ZNF487: variants seen among roughly 807,000 people sequenced by gnomAD.
ZNF487 encodes the protein zinc finger protein 487, also known as KRAB domain only 1.
ZNF487 carries 4 observed loss-of-function variants against 3.0 expected under a neutral mutation model. That is an observed-to-expected ratio of 1.35 (90% CI 0.66 to 3.08). The LOEUF (loss-of-function observed/expected upper bound fraction) is 3.08, where lower values mean the gene tolerates loss of function less well. ZNF487 is among the 30% of genes most tolerant of loss of function. ZNF487 has a pLI of 0.01. For missense variants in ZNF487, 146 were observed against 98.7 expected (o/e 1.48, Z -2.03); for synonymous variants, 55 against 34.6 (o/e 1.59, Z -2.06).
chr10:43,486,828 A>C (rs1312999950), downstream of ZNF487, among the ~76,000 whole-genome samples: 1 of 152,216 alleles, frequency 6.6e-6, no homozygotes, highest in African/African-American at 2.4e-5. Context: ...GATTAAAAAT[A>C]AGGAAAGATA....
rs889368759 is a variant in ZNF487, at chr10:43,462,246, A to G, written c.-93-13475A>G. Among the ~76,000 whole-genome samples, 35 of 151,152 alleles carry G rather than the reference A, an allele frequency of 2.3e-4. 1 individual carries two copies. The highest frequency in any genetic ancestry group is 5.3e-4 in the Admixed American group (8 of 15,176). ...GATTACTGCAACCTCTGCCTCCCGA[A>G]GTGCTGGGATTGTAGGGTTGAACTA... is the stretch of plus-strand genomic sequence containing the variant. On this transcript the variant is annotated intron_variant, in intron 1 of 3. Transcript: ENST00000437590.
At chr10:43,520,150 C>T in the ZNF487 span, among the ~76,000 whole-genome samples, 2 of 152,000 alleles carry the variant, frequency 1.3e-5, no homozygotes, top group South Asian at 2.1e-4. Flanking sequence ...TATCTAATAC[C>T]TGATTATCTG....
At chr10:43,471,031 C>T (rs918535278) in intron 1 of ZNF487, among the ~76,000 whole-genome samples, 5 of 152,034 alleles carry the variant, frequency 3.3e-5, no homozygotes, top group Non-Finnish European at 7.4e-5. Context: ...ACCATGTTGC[C>T]GACCTTAACT....
chr10:43,509,158 C>T, the ZNF487 span, among the ~76,000 whole-genome samples: 1 of 149,934 alleles, frequency 6.7e-6, no homozygotes. Flanking sequence ...TGCACTACTG[C>T]ACTCCAGCGT....
chr10:43,464,182 CTT>C (rs113898079), intron 1 of ZNF487, among the ~76,000 whole-genome samples: 17 of 139,992 alleles, frequency 1.2e-4, no homozygotes, highest in Admixed American at 2.2e-4. Flanking sequence ...CTTTTTTTTT[CTT>C]TTTTTTTTTT....
chr10:43,469,039 G>T lies in ZNF487; in HGVS notation c.-93-6682G>T, dbSNP rs537892969. 4.1e-5 allele frequency among the ~76,000 whole-genome samples: 6 copies of T among 147,508 alleles called. No homozygotes were observed. In the East Asian group the frequency reaches 7.9e-4, roughly 19 times the overall value. Reference sequence around the variant, plus strand: ...AGAAAAAGAAAGGAAGAGTCAATCAGTGTGGCAGACTTAATTGTCCTTTTA... The same window carrying T: ...AGAAAAAGAAAGGAAGAGTCAATCATTGTGGCAGACTTAATTGTCCTTTTA... On this transcript the variant is annotated intron_variant, in intron 1 of 3. Transcript: ENST00000437590.
intron 1 of ZNF487, among the ~76,000 whole-genome samples, chr10:43,455,257 C>T (rs113310824): frequency 0.046 from 7,006 of 152,172 alleles, 508 homozygotes; most frequent in African/African-American, 0.16. Context: ...CTGATCCGCC[C>T]GCCTCGGCCT....
In ZNF487 at chr10:43,482,992, A is replaced by G. The variant is rs1841422323; in HGVS notation, c.*1070A>G. ...CATCAGAGAACACACACAAGGGAGCAACCCTATGAATATAATGAAAGCTTT... is the reference window on the plus strand; with the variant it reads ...CATCAGAGAACACACACAAGGGAGCGACCCTATGAATATAATGAAAGCTTT... On this transcript the variant is annotated 3_prime_UTR_variant, in exon 4 of 4. Coordinates refer to ENST00000437590, the MANE Select transcript of ZNF487 (RefSeq NM_001355444.3). 2 of 505,414 alleles carry G rather than the reference A, an allele frequency of 4.0e-6. No individual in the cohort carries two copies. Among genetic ancestry groups the G allele is most frequent in the Non-Finnish European group, 8.0e-6 (2 of 249,038 alleles). 31.3% of individuals were successfully genotyped at this position (505,414 alleles called of 1,614,324 possible).
chr10:43,485,010 C>T (rs1257282604), downstream of ZNF487, among the ~76,000 whole-genome samples: 2 of 152,212 alleles, frequency 1.3e-5, no homozygotes, highest in Admixed American at 1.3e-4. Context: ...GATGTCTCCA[C>T]ATTGTTCAAA....
At chr10:43,437,323 G>C (rs554115306) in intron 1 of ZNF487, 61 bp downstream of exon 1, 33 of 176,178 alleles carry the variant, frequency 1.9e-4, no homozygotes, top group African/African-American at 7.7e-4. Context: ...ACCCAGGATC[G>C]AGCGGGGACT....
At chr10:43,456,582 A>C (rs1032976816) in intron 1 of ZNF487, among the ~76,000 whole-genome samples, 2 of 151,890 alleles carry the variant, frequency 1.3e-5, no homozygotes, top group African/African-American at 4.8e-5. Context: ...TAAGAAAATT[A>C]TTTTTCTTTT....
At chr10:43,508,679 A>G in the ZNF487 span, among the ~76,000 whole-genome samples, 1 of 151,870 alleles carries the variant, frequency 6.6e-6, no homozygotes, top group Admixed American at 6.6e-5. Flanking sequence ...CAAAAACAAA[A>G]ACAAACAAAC....
chr10:43,515,393 G>A, the ZNF487 span, among the ~76,000 whole-genome samples: 1 of 152,146 alleles, frequency 6.6e-6, no homozygotes, highest in Non-Finnish European at 1.5e-5. Flanking sequence ...CTCAGACAAA[G>A]GTGGAAAGGC....
At chr10:43,460,659 G>A (rs900207950) in intron 1 of ZNF487, among the ~76,000 whole-genome samples, 1 of 151,092 alleles carries the variant, frequency 6.6e-6, no homozygotes, top group African/African-American at 2.4e-5. Flanking sequence ...ACAGGTATGA[G>A]CCACCATGCC....
downstream of ZNF487, among the ~76,000 whole-genome samples, chr10:43,488,048 G>A (rs993918867): frequency 6.6e-6 from 1 of 151,084 alleles, no homozygotes; most frequent in African/African-American, 2.4e-5. Flanking sequence ...TTTGGAGTGA[G>A]CCAAGATGGC....
At chr10:43,456,385 T>TGCACGGA (rs975584715) in intron 1 of ZNF487, among the ~76,000 whole-genome samples, 5 of 152,104 alleles carry the variant, frequency 3.3e-5, no homozygotes, top group African/African-American at 9.7e-5. Flanking sequence ...GGCCCATATT[T>TGCACGGA]GCACGGAGAG....
intron 1 of ZNF487, among the ~76,000 whole-genome samples, chr10:43,467,370 A>G (rs1840745359): frequency 6.7e-6 from 1 of 150,022 alleles, no homozygotes; most frequent in Non-Finnish European, 1.5e-5. Flanking sequence ...ACGCCTGGCT[A>G]ATTTTTGTAT....
intron 1 of ZNF487, among the ~76,000 whole-genome samples, chr10:43,474,938 C>T (rs1277140865): frequency 6.6e-6 from 1 of 151,864 alleles, no homozygotes; most frequent in Non-Finnish European, 1.5e-5. Context: ...AAAAGACTGC[C>T]ACCTCACAGA....
At chr10:43,493,265 C>T in the ZNF487 span, among the ~76,000 whole-genome samples, 4 of 152,054 alleles carry the variant, frequency 2.6e-5, no homozygotes, top group Non-Finnish European at 5.9e-5. Flanking sequence ...AACAACAAAA[C>T]TCTAGTGGTG....
Sources: allele counts gnomAD v4.1 joint callset (sites outside exome capture counted in the v4.1 genomes callset), GRCh38; gene constraint gnomAD v4.1.1; transcripts MANE v1.5; gene names NCBI Gene and HGNC (gene_info 2026-07-23, HGNC 2026-07-21).